The following TOP6BL variants were observed in gnomAD, a reference collection of about 807,000 sequenced individuals.
TOP6BL encodes the protein TOP6B like initiator of meiotic double strand breaks.
the TOP6BL span, among the ~76,000 whole-genome samples, chr11:66,839,916 TC>T: frequency 2.0e-5 from 3 of 152,100 alleles, no homozygotes; most frequent in African/African-American, 7.2e-5. Context: ...GAGGCATGGA[TC>T]CTAACAAACT....
chr11:66,809,134 C>T, the TOP6BL span, among the ~76,000 whole-genome samples: 7 of 152,106 alleles, frequency 4.6e-5, no homozygotes, highest in East Asian at 1.9e-4. Flanking sequence ...TTAGTAGAGA[C>T]GGGGTTTCAC....
chr11:66,838,417 T>C, the TOP6BL span: 1 of 1,613,808 alleles, frequency 6.2e-7, no homozygotes, highest in African/African-American at 1.3e-5. Context: ...AGGACGCACC[T>C]GATAACAGCA....
the TOP6BL span, among the ~76,000 whole-genome samples, chr11:66,802,585 A>C: frequency 6.6e-6 from 1 of 152,144 alleles, no homozygotes. Context: ...GATGTGAGCC[A>C]ATGTGTCCAG....
the TOP6BL span, among the ~76,000 whole-genome samples, chr11:66,812,507 T>G: frequency 6.6e-6 from 1 of 152,090 alleles, no homozygotes; most frequent in African/African-American, 2.4e-5. Flanking sequence ...CCCCTTGCCC[T>G]AAACAGTGAG....
At chr11:66,819,852 G>A in the TOP6BL span, among the ~76,000 whole-genome samples, 1 of 148,352 alleles carries the variant, frequency 6.7e-6, no homozygotes, top group Non-Finnish European at 1.5e-5. Flanking sequence ...GCAGTGAGCC[G>A]AGATCACGCC....
the TOP6BL span, among the ~76,000 whole-genome samples, chr11:66,749,065 G>A: frequency 1.3e-5 from 2 of 150,422 alleles, no homozygotes; most frequent in African/African-American, 4.9e-5. Context: ...TGTGTGTGTG[G>A]TGTGTGTGTG....
chr11:66,806,761 A>G, the TOP6BL span, among the ~76,000 whole-genome samples: 37 of 148,316 alleles, frequency 2.5e-4, no homozygotes, highest in East Asian at 6.8e-3. Flanking sequence ...GTCTCAAAAT[A>G]AAAAAAAAGA....
At chr11:66,796,319 G>A in the TOP6BL span, 1 of 1,611,016 alleles carries the variant, frequency 6.2e-7, no homozygotes, top group Admixed American at 1.7e-5. Context: ...CAGATTGTCT[G>A]GTTATAAAGC....
At chr11:66,824,490 C>A in the TOP6BL span, among the ~76,000 whole-genome samples, 1 of 150,078 alleles carries the variant, frequency 6.7e-6, no homozygotes, top group Non-Finnish European at 1.5e-5. Context: ...TACATGTACA[C>A]AACATGCAGG....
chr11:66,803,990 G>T, the TOP6BL span: 1 of 1,592,950 alleles, frequency 6.3e-7, no homozygotes, highest in East Asian at 2.2e-5. Flanking sequence ...TCTGTTTTCT[G>T]ACAGTAGACC....
chr11:66,785,534 A>G, the TOP6BL span, among the ~76,000 whole-genome samples: 63 of 152,258 alleles, frequency 4.1e-4, no homozygotes, highest in African/African-American at 1.4e-3. Flanking sequence ...TGTGTTGACA[A>G]CTGTCCCGTA....
At chr11:66,817,366 G>C in the TOP6BL span, among the ~76,000 whole-genome samples, 8 of 152,058 alleles carry the variant, frequency 5.3e-5, no homozygotes, top group Non-Finnish European at 1.0e-4. Flanking sequence ...ATCTATGATA[G>C]AGATAAAACA....
the TOP6BL span, among the ~76,000 whole-genome samples, chr11:66,838,905 G>C: frequency 6.6e-6 from 1 of 152,110 alleles, no homozygotes; most frequent in Non-Finnish European, 1.5e-5. Flanking sequence ...CTAAATTTTT[G>C]TATTTTTAGT....
At chr11:66,832,009 A>C in the TOP6BL span, among the ~76,000 whole-genome samples, 9 of 151,206 alleles carry the variant, frequency 6.0e-5, 1 homozygote, top group African/African-American at 1.7e-4. Flanking sequence ...AAAAAAAAAA[A>C]AAAAAAACAA....
At chr11:66,764,909 A>C in the TOP6BL span, among the ~76,000 whole-genome samples, 1 of 152,062 alleles carries the variant, frequency 6.6e-6, no homozygotes, top group Non-Finnish European at 1.5e-5. Context: ...TCAAGTCTGC[A>C]GTGAGCTGTG....
chr11:66,784,995 G>A, the TOP6BL span, among the ~76,000 whole-genome samples: 1 of 116,640 alleles, frequency 8.6e-6, no homozygotes, highest in Non-Finnish European at 1.6e-5. Flanking sequence ...TCGCTCTATC[G>A]CCCAGGCTGG....
At chr11:66,744,831 C>T in the TOP6BL span, 1 of 1,322,466 alleles carries the variant, frequency 7.6e-7, no homozygotes. Context: ...GCGGCGGCGG[C>T]GGCGGCGGCG....
chr11:66,811,272 A>G, the TOP6BL span, among the ~76,000 whole-genome samples: 2 of 152,112 alleles, frequency 1.3e-5, no homozygotes, highest in African/African-American at 2.4e-5. Context: ...AGTTCAATCA[A>G]TCAGGCCCCT....
the TOP6BL span, among the ~76,000 whole-genome samples, chr11:66,825,236 T>C: frequency 6.8e-6 from 1 of 148,132 alleles, no homozygotes; most frequent in Non-Finnish European, 1.5e-5. Context: ...GTCAACACTT[T>C]GGGAGGCCAA....
Sources: allele counts gnomAD v4.1 joint callset (sites outside exome capture counted in the v4.1 genomes callset), GRCh38; gene constraint gnomAD v4.1.1; transcripts MANE v1.5; gene names NCBI Gene and HGNC (gene_info 2026-07-23, HGNC 2026-07-21).